The following B4GALT5 variants were observed in gnomAD, a reference collection of about 807,000 sequenced individuals.
B4GALT5 encodes beta-1,4-galactosyltransferase 5.
Under a neutral mutation model 45.0 loss-of-function variants are expected in B4GALT5, and 11 were observed. The ratio of observed to expected loss-of-function variants is 0.24; its 90% CI spans 0.15 to 0.40. B4GALT5 has a LOEUF of 0.40. Ranked by LOEUF, B4GALT5 falls within the 10% of genes least tolerant of loss-of-function variation. The pLI, the probability that B4GALT5 is intolerant of heterozygous loss-of-function variation, is 1.00. For synonymous variants in B4GALT5, 185 were observed against 182.9 expected (o/e 1.01, Z -0.09); for missense variants, 337 against 500.2 (o/e 0.67, Z 3.11).
intron 3 of B4GALT5, among the ~76,000 whole-genome samples, chr20:49,644,678 C>T (rs894496179): frequency 6.6e-6 from 1 of 152,150 alleles, no homozygotes; most frequent in Non-Finnish European, 1.5e-5. Context: ...ACTAAGCTTA[C>T]ATCTAGATGC....
rs189084865 is a variant in B4GALT5 at position 49,648,813 on chromosome 20, T to C, written c.251-1735A>G. 5.2e-3 allele frequency among the ~76,000 whole-genome samples: 788 copies of C among 152,316 alleles called. 3 individuals carry two copies. The highest frequency in any genetic ancestry group is 0.01 in the Middle Eastern group (3 of 294). ...CTACAGATGAATAACTGGAACAACA[T>C]ACACAGAACTCAGACCAGGAGCCCT... On this transcript the variant is annotated intron_variant, in intron 2 of 8. Coordinates refer to ENST00000371711, the MANE Select transcript of B4GALT5 (RefSeq NM_004776.4).
At chr20:49,690,658 ATC>A (rs908432728) in intron 1 of B4GALT5, among the ~76,000 whole-genome samples, 10 of 152,324 alleles carry the variant, frequency 6.6e-5, no homozygotes, top group African/African-American at 2.2e-4. Context: ...AAAAAGTTAT[ATC>A]TGTTACATCT....
intron 6 of B4GALT5, 69 bp from the exon 7 acceptor site, chr20:49,639,869 A>G (rs1383544818): frequency 6.3e-7 from 1 of 1,575,524 alleles, no homozygotes; most frequent in African/African-American, 1.4e-5. Flanking sequence ...GAAGGTTCTC[A>G]TTTGAGGACT....
intron 1 of B4GALT5, among the ~76,000 whole-genome samples, chr20:49,684,990 G>T (rs2085779605): frequency 6.6e-6 from 1 of 152,140 alleles, no homozygotes; most frequent in Admixed American, 6.5e-5. Flanking sequence ...TAGAAAAGTT[G>T]TGAATATAGT....
At chr20:49,657,526 G>C (rs2085648372) in intron 1 of B4GALT5, among the ~76,000 whole-genome samples, 1 of 152,180 alleles carries the variant, frequency 6.6e-6, no homozygotes, top group South Asian at 2.1e-4. Context: ...CTATTTTCAA[G>C]AAACAGTGAG....
intron 1 of B4GALT5, among the ~76,000 whole-genome samples, chr20:49,712,894 G>A (rs2085922837): frequency 6.7e-6 from 1 of 148,626 alleles, no homozygotes; most frequent in African/African-American, 2.5e-5. Flanking sequence ...GCAGGAGATT[G>A]AATGGGGGTG....
intron 1 of B4GALT5, among the ~76,000 whole-genome samples, chr20:49,703,733 A>AAAAAAAATAATAAT (rs2085872725): frequency 1.3e-5 from 2 of 151,456 alleles, no homozygotes; most frequent in South Asian, 2.1e-4. Context: ...TACTAAAAAA[A>AAAAAAAATAATAAT]AAAAAAATAG....
chr20:49,667,989 T>A (rs2085699160), intron 1 of B4GALT5, among the ~76,000 whole-genome samples: 1 of 152,200 alleles, frequency 6.6e-6, no homozygotes, highest in Non-Finnish European at 1.5e-5. Flanking sequence ...CATTGTCTTA[T>A]CTATTTAAAT....
At chr20:49,671,664 C>T (rs1026102136) in intron 1 of B4GALT5, among the ~76,000 whole-genome samples, 1 of 152,112 alleles carries the variant, frequency 6.6e-6, no homozygotes, top group Admixed American at 6.5e-5. Context: ...CCATGAACAT[C>T]AGAACCCTGT....
rs751040327 is a variant in B4GALT5 at position 49,639,771 on chromosome 20, A to G, written c.824T>C (p.Val275Ala). The change falls in exon 7 of 9, where the codon GTG becomes GCG. Residue 275 changes from valine (V) to alanine (A), a missense_variant. Val to Ala is a moderately conservative substitution (Grantham distance 64, BLOSUM62 0). Around this residue, in one of 2 missense-constraint regions of B4GALT5, gnomAD observed 163 missense variants for 292.8 expected, o/e 0.56. Coordinates refer to ENST00000371711, the MANE Select transcript of B4GALT5 (RefSeq NM_004776.4). The part of the protein sequence containing the change: ...LLPYTEFFGG[V>A]SGLTVEQFRK... ...AAATTGTTCCACTGTTAAGCCACTC[A>G]CTCCGCCAAAGAACTCGGTATAAGG... The G allele has an allele frequency of 6.2e-7, 1 of 1,613,174 alleles. No homozygotes were observed. Among genetic ancestry groups the G allele is most frequent in the South Asian group, 1.1e-5 (1 of 91,052 alleles).
chr20:49,712,708 G>A (rs2085919877), intron 1 of B4GALT5, among the ~76,000 whole-genome samples: 1 of 151,912 alleles, frequency 6.6e-6, no homozygotes, highest in Non-Finnish European at 1.5e-5. Flanking sequence ...CTAGGAGAGG[G>A]CAGAAGTGGA....
intron 3 of B4GALT5, among the ~76,000 whole-genome samples, chr20:49,646,256 A>G (rs901545267): frequency 6.6e-6 from 1 of 152,182 alleles, no homozygotes; most frequent in Non-Finnish European, 1.5e-5. Flanking sequence ...TGGTGCAGCC[A>G]AAGTGTTCAG....
chr20:49,670,595 A>G (rs2085711686), intron 1 of B4GALT5, among the ~76,000 whole-genome samples: 1 of 152,220 alleles, frequency 6.6e-6, no homozygotes, highest in African/African-American at 2.4e-5. Context: ...TATAGCAAAA[A>G]GTTGAATTTC....
chr20:49,670,767 G>A (rs1022060471), intron 1 of B4GALT5, among the ~76,000 whole-genome samples: 9 of 152,090 alleles, frequency 5.9e-5, no homozygotes, highest in Admixed American at 5.9e-4. Context: ...AGGCTTTGGT[G>A]GAACAGGTAT....
chr20:49,676,500 T>C (rs1270713324), intron 1 of B4GALT5, among the ~76,000 whole-genome samples: 3 of 152,250 alleles, frequency 2.0e-5, no homozygotes, highest in African/African-American at 7.2e-5. Context: ...AGTTAAGCTA[T>C]TGATTGAAGA....
Position 49,634,738 on chromosome 20 carries a change from GCAC to G in B4GALT5, c.*1571_*1573del, listed in dbSNP as rs1377721036. On this transcript the variant is annotated 3_prime_UTR_variant, in exon 9 of 9. Coordinates refer to ENST00000371711, the MANE Select transcript of B4GALT5 (RefSeq NM_004776.4). ...AAAAATTAGCCAGGTGTGGTGGTGT[GCAC>G]CTGTAGTCCCAGCTACTCGGGAGGC... is the stretch of plus-strand genomic sequence containing the variant. 2 of 152,344 alleles carry G rather than the reference GCAC, an allele frequency of 1.3e-5. No homozygotes were observed. The highest frequency in any genetic ancestry group is 2.9e-5 in the Non-Finnish European group (2 of 68,190). The allele number at this position is 152,344 out of a possible 1,614,324, so 9.4% of individuals were successfully genotyped here.
intron 1 of B4GALT5, among the ~76,000 whole-genome samples, chr20:49,698,297 T>C (rs2085847862): frequency 6.6e-6 from 1 of 151,794 alleles, no homozygotes. Flanking sequence ...CACTCCGGCC[T>C]GGGGGACAGA....
intron 4 of B4GALT5, among the ~76,000 whole-genome samples, chr20:49,643,013 C>T (rs1358102457): frequency 6.6e-6 from 1 of 152,228 alleles, no homozygotes; most frequent in Admixed American, 6.5e-5. Flanking sequence ...GCATCAGCAG[C>T]ACTTAACGAG....
chr20:49,691,181 G>C (rs763826046), intron 1 of B4GALT5, among the ~76,000 whole-genome samples: 3 of 152,098 alleles, frequency 2.0e-5, no homozygotes, highest in African/African-American at 7.2e-5. Context: ...TTAAAATGAC[G>C]GTGCGGGGCA....
Sources: allele counts gnomAD v4.1 joint callset (sites outside exome capture counted in the v4.1 genomes callset), GRCh38; gene constraint gnomAD v4.1.1; regional missense constraint gnomAD v4.1.1; transcripts MANE v1.5; gene names NCBI Gene and HGNC (gene_info 2026-07-23, HGNC 2026-07-21).